The following EDA variants were observed in gnomAD, a reference collection of about 807,000 sequenced individuals.
EDA encodes ectodysplasin-A.
Under a neutral mutation model 23.6 loss-of-function variants are expected in EDA, and 2 were observed. That is an observed-to-expected ratio of 0.08 (90% CI 0.03 to 0.27). EDA has a LOEUF of 0.27. EDA is among the 10% of genes least tolerant of loss of function. The probability of loss-of-function intolerance (pLI) is 1.00; values close to 1 mark genes in which losing one functional copy is unlikely to be tolerated. For missense variants in EDA, 229 were observed against 324.2 expected, an observed-to-expected ratio of 0.71 and a Z score of 2.26; for synonymous variants, 131 against 132.0, an observed-to-expected ratio of 0.99 and a Z score of 0.05.
At chrX:69,644,712 C>T (rs762562325) in intron 1 of EDA, among the ~76,000 whole-genome samples, 42 of 111,457 alleles carry the variant, frequency 3.8e-4, no homozygotes, top group African/African-American at 1.3e-3. Context: ...GGGAATGCTT[C>T]TAGCTTTTGC....
intron 1 of EDA, among the ~76,000 whole-genome samples, chrX:69,741,587 A>C (rs2013462722): frequency 8.9e-6 from 1 of 112,044 alleles, no homozygotes; most frequent in African/African-American, 3.2e-5. Context: ...CTATTAGCCA[A>C]CATTAGTTGC....
At chrX:69,890,479 A>G (rs1214885672) in intron 1 of EDA, among the ~76,000 whole-genome samples, 2 of 111,214 alleles carry the variant, frequency 1.8e-5, no homozygotes. Context: ...CAACTTTACT[A>G]TATTACTATA....
At chrX:69,971,834 T>G (rs141312769) in intron 2 of EDA, among the ~76,000 whole-genome samples, 7 of 111,268 alleles carry the variant, frequency 6.3e-5, no homozygotes, top group African/African-American at 2.0e-4. Context: ...TAATGAATAT[T>G]TGTAGATTGA....
chrX:69,962,719 C>T (rs1014313679), intron 2 of EDA, among the ~76,000 whole-genome samples: 25 of 112,417 alleles, frequency 2.2e-4, no homozygotes, highest in African/African-American at 7.4e-4. Context: ...GCACGAGCCA[C>T]TGCACCTGGC....
chrX:69,925,398 A>G (rs1329722526), intron 1 of EDA, among the ~76,000 whole-genome samples: 1 of 111,911 alleles, frequency 8.9e-6, no homozygotes, highest in African/African-American at 3.2e-5. Flanking sequence ...TTCTGCATCT[A>G]TTGAGATAAT....
chrX:69,658,100 G>A (rs1383383706), intron 1 of EDA, among the ~76,000 whole-genome samples: 2 of 111,047 alleles, frequency 1.8e-5, no homozygotes, highest in Admixed American at 9.6e-5. Context: ...TAGCCCATGA[G>A]CATGGAATGC....
intron 1 of EDA, among the ~76,000 whole-genome samples, chrX:69,760,728 A>G (rs2014283834): frequency 8.9e-6 from 1 of 112,105 alleles, no homozygotes; most frequent in Non-Finnish European, 1.9e-5. Context: ...TACACCGAGT[A>G]TACAGCACTG....
Position 69,830,615 on chromosome X carries a change from A to C in EDA, c.397-126412A>C, listed in dbSNP as rs764468336. On this transcript the variant is annotated intron_variant, in intron 1 of 7. Transcript: ENST00000374552. ...GGAAAACTAATACTCGTGTAATAAC[A>C]TAAGTTACCACTCAAAAGGTAAATA... Among the ~76,000 whole-genome samples the C allele has an allele frequency of 2.7e-5, 3 of 112,557 alleles. No individual in the cohort carries two copies. The East Asian group carries it at 8.3e-4, about 31-fold the overall frequency.
chrX:69,997,077 G>A (rs1222810955), intron 2 of EDA, among the ~76,000 whole-genome samples: 2 of 111,986 alleles, frequency 1.8e-5, no homozygotes, highest in East Asian at 5.6e-4. Flanking sequence ...TTGCTGAAAA[G>A]ATACCCAAAA....
In EDA at chrX:70,028,031, C is replaced by G; in HGVS notation, c.701C>G (p.Pro234Arg). ...GPQGPPGLQG[P>R]SGAADKAGTR... ...CAAGGACCCCCTGGCCTCCAGGGAC[C>G]TTCTGGTGAGTTCCCCTGTCTCTCC... Residue 234 changes from proline to arginine, a missense_variant, in exon 4 of 8, where the codon CCT becomes CGT. By Grantham distance (103) the Pro-to-Arg change is moderately radical. Transcript: ENST00000374552. 8.5e-7 allele frequency: 1 copy of G among 1,171,981 alleles called. No homozygotes were observed. Among genetic ancestry groups the G allele is most frequent in the Non-Finnish European group, 1.1e-6 (1 of 879,423 alleles).
At chrX:69,839,502 A>G (rs919159947) in intron 1 of EDA, among the ~76,000 whole-genome samples, 1 of 112,499 alleles carries the variant, frequency 8.9e-6, no homozygotes, top group Non-Finnish European at 1.9e-5. Flanking sequence ...GTATTGTCAC[A>G]CCATAATATG....
intron 1 of EDA, among the ~76,000 whole-genome samples, chrX:69,708,774 T>C (rs774961198): frequency 3.9e-4 from 43 of 110,538 alleles, no homozygotes; most frequent in Non-Finnish European, 7.6e-4. Context: ...ATATAAAAAA[T>C]AGATCTATAA....
chrX:69,636,444 T>C (rs1422850487), intron 1 of EDA, among the ~76,000 whole-genome samples: 1 of 110,119 alleles, frequency 9.1e-6, no homozygotes, highest in African/African-American at 3.3e-5. Context: ...TCTCAGGTAT[T>C]ACTTTATAGT....
intron 2 of EDA, among the ~76,000 whole-genome samples, chrX:69,971,282 G>A (rs1188798384): frequency 8.9e-6 from 1 of 112,055 alleles, no homozygotes; most frequent in Non-Finnish European, 1.9e-5. Flanking sequence ...ATTGATGTCT[G>A]TGCAAATGCT....
At position 69,709,730 on chromosome X, in the gene EDA, A is replaced by G. The variant is rs77222215; in HGVS notation, c.396+93026A>G. On this transcript the variant is annotated intron_variant, in intron 1 of 7. Coordinates refer to ENST00000374552, the MANE Select transcript of EDA (RefSeq NM_001399.5). The stretch of plus-strand genomic sequence containing the variant: ...GGCTGGCTTTGAATTTTTGGACTCT[A>G]GAGATCCTCTCACCTCAACCTCCAG... 6.3e-4 allele frequency among the ~76,000 whole-genome samples: 71 copies of G among 112,047 alleles called. No homozygotes were observed. The East Asian group carries it at 0.016, about 25-fold the overall frequency.
chrX:69,899,198 C>A (rs935054496), intron 1 of EDA, among the ~76,000 whole-genome samples: 18 of 111,898 alleles, frequency 1.6e-4, no homozygotes, highest in African/African-American at 5.8e-4. Context: ...TATTGCTTAT[C>A]ATAAGGATTG....
At chrX:69,962,966 A>G (rs1453531590) in intron 2 of EDA, among the ~76,000 whole-genome samples, 1 of 111,583 alleles carries the variant, frequency 9.0e-6, no homozygotes, top group Non-Finnish European at 1.9e-5. Context: ...CTACCTCATC[A>G]CAGCAAATGA....
intron 1 of EDA, among the ~76,000 whole-genome samples, chrX:69,789,129 C>G (rs1018979956): frequency 8.9e-6 from 1 of 112,342 alleles, no homozygotes; most frequent in Non-Finnish European, 1.9e-5. Flanking sequence ...CCAAGTGAGG[C>G]AATGCCTCGC....
chrX:69,955,524 T>A (rs1289312188), intron 1 of EDA, among the ~76,000 whole-genome samples: 2 of 111,889 alleles, frequency 1.8e-5, no homozygotes, highest in Non-Finnish European at 3.8e-5. Flanking sequence ...CCAACCCATT[T>A]TTTTTCCACT....
Sources: allele counts gnomAD v4.1 joint callset (sites outside exome capture counted in the v4.1 genomes callset), GRCh38; gene constraint gnomAD v4.1.1; transcripts MANE v1.5; gene names NCBI Gene and HGNC (gene_info 2026-07-23, HGNC 2026-07-21).